SLC22A16: variants seen among roughly 807,000 people sequenced by gnomAD.
SLC22A16 encodes the protein WUGSC:RG331P03.1.
SLC22A16 carries 53 observed loss-of-function variants against 52.9 expected under a neutral mutation model. That is an observed-to-expected ratio of 1.00 (90% CI 0.80 to 1.26). The LOEUF is 1.26. Among genes scored for constraint, SLC22A16 ranks in the 50% most tolerant of loss-of-function variants. The probability of loss-of-function intolerance (pLI) is 0.00; values close to 1 mark genes in which losing one functional copy is unlikely to be tolerated. For missense variants in SLC22A16, 726 were observed against 704.0 expected, an observed-to-expected ratio of 1.03 and a Z score of -0.35; for synonymous variants, 291 against 268.8, an observed-to-expected ratio of 1.08 and a Z score of -0.81.
chr6:110,424,896 T>C lies in SLC22A16; in HGVS notation c.1711A>G (p.Arg571Gly). 2 of 1,614,178 alleles carry C rather than the reference T, an allele frequency of 1.2e-6. No individual in the cohort carries two copies. Among genetic ancestry groups the C allele is most frequent in the South Asian group, 2.2e-5 (2 of 91,086 alleles). Residue 571 changes from arginine to glycine, a missense_variant, in exon 8 of 8, where the codon AGG (arginine) becomes GGG (glycine). Transcript: ENST00000368919. ...GLEKTEAITPRDSGLGE is the reference protein window; with the variant it reads ...GLEKTEAITPGDSGLGE ...ATTTATTCACCAAGACCAGAATCCC[T>C]GGGGGTAATCGCTTCCGTTTTTTCC...
chr6:110,424,768 A>G lies in SLC22A16; in HGVS notation c.*105T>C. ...TTAAAATTTTCTTACAAAATTTATT[A>G]AAAAGACATACAAACAACATATGGG... is the stretch of plus-strand genomic sequence containing the variant. On this transcript the variant is annotated 3_prime_UTR_variant, in exon 8 of 8. Coordinates refer to ENST00000368919, the MANE Select transcript of SLC22A16 (RefSeq NM_033125.4). The G allele has an allele frequency of 7.9e-7, 1 of 1,269,384 alleles. No homozygotes were observed. Among genetic ancestry groups the G allele is most frequent in the East Asian group, 2.4e-5 (1 of 41,024 alleles). The allele number at this position is 1,269,384 out of a possible 1,614,324, so 78.6% of individuals were successfully genotyped here.
At chr6:110,447,981 A>G (rs1313450480) in intron 2 of SLC22A16, among the ~76,000 whole-genome samples, 2 of 152,168 alleles carry the variant, frequency 1.3e-5, no homozygotes, top group African/African-American at 2.4e-5. Flanking sequence ...TTTTGTGTGA[A>G]CTTAGGTTTT....
intron 1 of SLC22A16, among the ~76,000 whole-genome samples, chr6:110,474,005 G>A (rs563858906): frequency 4.6e-5 from 7 of 152,222 alleles, no homozygotes; most frequent in African/African-American, 1.2e-4. Context: ...AGCGGCCAGC[G>A]AGCATTACTT....
intron 1 of SLC22A16, among the ~76,000 whole-genome samples, chr6:110,465,719 G>C (rs1484657813): frequency 1.3e-5 from 2 of 152,058 alleles, no homozygotes; most frequent in Non-Finnish European, 2.9e-5. Flanking sequence ...ACTGCCCAAG[G>C]CAATCTACAA....
rs1774199439 is a variant in SLC22A16 at position 110,425,049 on chromosome 6, A to G, written c.1558T>C (p.Leu520=). The part of the protein sequence containing the change: ...VGTMALLSGV[L]TLKLPETLGK... ...AGGGTTTCTGGAAGCTTTAGTGTTA[A>G]CACTCCACTCAGGAGGGCCATAGTC... The change falls in exon 8 of 8, where the codon TTA becomes CTA. Residue 520 remains leucine (L), a synonymous_variant. Transcript: ENST00000368919. The G allele has an allele frequency of 6.2e-7, 1 of 1,614,066 alleles. No homozygotes were observed. The highest frequency in any genetic ancestry group is 1.3e-5 in the African/African-American group (1 of 74,926).
At chr6:110,441,800 T>C (rs1582541082) in intron 4 of SLC22A16, among the ~76,000 whole-genome samples, 1 of 152,220 alleles carries the variant, frequency 6.6e-6, no homozygotes, top group Non-Finnish European at 1.5e-5. Flanking sequence ...GTTCTCATGG[T>C]GGCTCATTCT....
At chr6:110,439,693 C>T (rs1403542307) in intron 4 of SLC22A16, among the ~76,000 whole-genome samples, 2 of 152,086 alleles carry the variant, frequency 1.3e-5, no homozygotes, top group East Asian at 1.9e-4. Flanking sequence ...ATATAAAATA[C>T]AGGCAGCCTA....
At chr6:110,448,703 C>T (rs940614971) in intron 2 of SLC22A16, among the ~76,000 whole-genome samples, 1 of 152,204 alleles carries the variant, frequency 6.6e-6, no homozygotes, top group Non-Finnish European at 1.5e-5. Flanking sequence ...AACAACTTCT[C>T]TCTCTGTAGA....
chr6:110,445,106 G>C (rs1040841263), intron 3 of SLC22A16, among the ~76,000 whole-genome samples: 4 of 152,022 alleles, frequency 2.6e-5, no homozygotes, highest in African/African-American at 9.7e-5. Flanking sequence ...CAGAATTCCT[G>C]GAATCCCTTT....
chr6:110,459,364 T>C (rs1482584271), intron 1 of SLC22A16, among the ~76,000 whole-genome samples: 1 of 152,234 alleles, frequency 6.6e-6, no homozygotes, highest in Non-Finnish European at 1.5e-5. Flanking sequence ...ATATGCTGTA[T>C]CCCTCCTATG....
intron 1 of SLC22A16, among the ~76,000 whole-genome samples, chr6:110,464,519 C>A (rs942130508): frequency 6.6e-6 from 1 of 152,018 alleles, no homozygotes; most frequent in African/African-American, 2.4e-5. Flanking sequence ...CTATGAACAT[C>A]TCTAAGTGCA....
At chr6:110,443,634 C>A (rs1775060205) in intron 3 of SLC22A16, among the ~76,000 whole-genome samples, 1 of 151,990 alleles carries the variant, frequency 6.6e-6, no homozygotes. Context: ...TATGACGATT[C>A]CTCAAAAAAC....
At chr6:110,448,904 C>T (rs1435506561) in intron 2 of SLC22A16, among the ~76,000 whole-genome samples, 2 of 152,150 alleles carry the variant, frequency 1.3e-5, no homozygotes, top group Non-Finnish European at 2.9e-5. Context: ...CTTCCCACTT[C>T]CTCTGAAACC....
At chr6:110,450,611 CAAA>C (rs35567505) in intron 2 of SLC22A16, among the ~76,000 whole-genome samples, 1 of 48,734 alleles carries the variant, frequency 2.1e-5, no homozygotes, top group Non-Finnish European at 4.2e-5. Context: ...GACATCTTCT[CAAA>C]AAAAAAAAAA....
chr6:110,473,541 T>G (rs1776340908), intron 1 of SLC22A16, among the ~76,000 whole-genome samples: 1 of 98,130 alleles, frequency 1.0e-5, no homozygotes, highest in Non-Finnish European at 1.9e-5. Flanking sequence ...TTTTTTTTTT[T>G]TGAGACGGAA....
chr6:110,453,704 C>T lies in SLC22A16; in HGVS notation c.533+2834G>A, dbSNP rs771489592. ...CAGTTAGGAAGCCTACTCTTTGTGG[C>T]AGAGAGGGGACATTATCTCATCATA... On this transcript the variant is annotated intron_variant, in intron 2 of 7. Transcript: ENST00000368919. The T allele has an allele frequency of 6.6e-6, 3 of 455,988 alleles. No individual in the cohort carries two copies. In the Admixed American group the frequency reaches 7.1e-5, roughly 11 times the overall value. The allele number at this position is 455,988 out of a possible 1,614,324, so 28.2% of individuals were successfully genotyped here.
At chr6:110,447,059 T>C in intron 2 of SLC22A16, 69 bp from the exon 3 acceptor site, 1 of 1,251,908 alleles carries the variant, frequency 8.0e-7, no homozygotes, top group East Asian at 2.3e-5. Context: ...TCCACTCCAA[T>C]TCATAAAAGA....
chr6:110,449,918 A>G (rs1231610645), intron 2 of SLC22A16, among the ~76,000 whole-genome samples: 1 of 152,130 alleles, frequency 6.6e-6, no homozygotes, highest in Admixed American at 6.5e-5. Context: ...TTCCTTTCAC[A>G]ATCTGCCCTT....
intron 2 of SLC22A16, chr6:110,455,436 A>G (rs1326273182): frequency 1.3e-5 from 2 of 152,042 alleles, no homozygotes; most frequent in Non-Finnish European, 2.9e-5. Flanking sequence ...TTCTTTTGAC[A>G]TGTTTATCAG....
Sources: allele counts gnomAD v4.1 joint callset (sites outside exome capture counted in the v4.1 genomes callset), GRCh38; gene constraint gnomAD v4.1.1; transcripts MANE v1.5; gene names NCBI Gene and HGNC (gene_info 2026-07-23, HGNC 2026-07-21).